The following ZNF667 variants were observed in gnomAD, a reference collection of about 807,000 sequenced individuals.
ZNF667 encodes the protein zinc finger protein 667, also known as myocardial ischemic preconditioning upregulated 1 ortholog.
ZNF667 carries 13 observed loss-of-function variants against 31.8 expected under a neutral mutation model. The observed-to-expected ratio is 0.41, with a 90% CI of 0.27 to 0.65. The LOEUF (loss-of-function observed/expected upper bound fraction) is 0.65, where lower values mean the gene tolerates loss of function less well. ZNF667 is among the 30% of genes least tolerant of loss of function. ZNF667 has a pLI of 0.32. For synonymous variants in ZNF667, 228 were observed against 247.1 expected, an observed-to-expected ratio of 0.92 and a Z score of 0.73; for missense variants, 642 against 725.6, an observed-to-expected ratio of 0.88 and a Z score of 1.32.
intron 4 of ZNF667, 106 bp downstream of exon 4, chr19:56,462,232 G>T: frequency 7.1e-7 from 1 of 1,407,242 alleles, no homozygotes; most frequent in Non-Finnish European, 1.0e-6. Flanking sequence ...ACTAGGTGTT[G>T]GATGGATCTC....
intron 1 of ZNF667, chr19:56,476,878 AAC>A (rs1416479166): frequency 6.5e-6 from 1 of 153,078 alleles, no homozygotes; most frequent in East Asian, 1.9e-4. Flanking sequence ...ACACTCCAGA[AAC>A]ACAAATCTTC....
rs1172228729 is a variant in ZNF667 at position 56,462,512 on chromosome 19, C to G, written c.-59-83G>C. ...CTGGAGACACACACACACACAGACA[C>G]ACATGCACACATATGCACGTGCACA... On this transcript the variant is annotated intron_variant, in intron 3 of 6. Coordinates refer to ENST00000504904, the MANE Select transcript of ZNF667 (RefSeq NM_001321356.2). The G allele has an allele frequency of 4.8e-6, 4 of 838,222 alleles. No individual in the cohort carries two copies. In the African/African-American group the frequency reaches 6.7e-5, roughly 14 times the overall value. The allele number at this position is 838,222 out of a possible 1,614,324, so 51.9% of individuals were successfully genotyped here.
chr19:56,441,246 A>C lies in ZNF667; in HGVS notation c.1749T>G (p.Tyr583Ter). 1.2e-6 allele frequency: 2 copies of C among 1,614,110 alleles called. No homozygotes were observed. The highest frequency in any genetic ancestry group is 1.7e-6 in the Non-Finnish European group (2 of 1,180,020). Reference protein sequence around the residue: ...HQRSHSSEKPYECSKCGKAYS... With the variant: ...HQRSHSSEKP ...ATGCCTTCCCACATTTACTACATTC[A>C]TAGGGTTTCTCTGAAGAATGACTTC... The change falls in exon 7 of 7, where the codon TAT becomes TAG. Residue 583 changes from tyrosine to a stop codon, truncating the protein, a stop_gained. Coordinates refer to ENST00000504904, the MANE Select transcript of ZNF667 (RefSeq NM_001321356.2). LOFTEE classifies it high-confidence loss of function. This position sits in a 1 kb window ranked among gnomAD's most constrained non-coding sequence, Gnocchi z 4.2.
At chr19:56,456,321 T>C (rs1248389559) in intron 6 of ZNF667, among the ~76,000 whole-genome samples, 2 of 152,160 alleles carry the variant, frequency 1.3e-5, no homozygotes, top group African/African-American at 4.8e-5. Context: ...CAAAGCAAAG[T>C]GTGCAAAGGG....
chr19:56,458,160 G>A lies in ZNF667; in HGVS notation c.248C>T (p.Ala83Val), dbSNP rs1289257630. The change falls in exon 6 of 7, where the codon GCT becomes GTT. Residue 83 changes from alanine to valine, a missense_variant. Coordinates refer to ENST00000504904, the MANE Select transcript of ZNF667 (RefSeq NM_001321356.2). ...WMVEPVRRRR[A>V]PDSGSKCETK... ...CTTGGTTCTCTGTCACTCACCAGGA[G>A]CCCGGCGTCTTCTTACTGGCTCTAC... is the stretch of plus-strand genomic sequence containing the variant. 1 of 1,614,120 alleles carries A rather than the reference G, an allele frequency of 6.2e-7. No individual in the cohort carries two copies.
intron 1 of ZNF667, among the ~76,000 whole-genome samples, chr19:56,476,293 A>G (rs2043405300): frequency 6.6e-6 from 1 of 152,126 alleles, no homozygotes; most frequent in South Asian, 2.1e-4. Flanking sequence ...CCTCCACTCA[A>G]ATGTACACAT....
intron 6 of ZNF667, among the ~76,000 whole-genome samples, chr19:56,443,689 G>A (rs1024565031): frequency 2.0e-5 from 3 of 152,164 alleles, no homozygotes; most frequent in African/African-American, 7.2e-5. Flanking sequence ...TGCAGCATAT[G>A]ACTGTATTTA....
At chr19:56,457,290 G>C (rs1051082173) in intron 6 of ZNF667, among the ~76,000 whole-genome samples, 1 of 152,074 alleles carries the variant, frequency 6.6e-6, no homozygotes, top group African/African-American at 2.4e-5. Flanking sequence ...TATTAACAGA[G>C]AGGGCAGTCT....
chr19:56,459,082 T>C (rs1398099965), intron 5 of ZNF667, among the ~76,000 whole-genome samples: 1 of 152,150 alleles, frequency 6.6e-6, no homozygotes, highest in Non-Finnish European at 1.5e-5. Flanking sequence ...GACACCCAGC[T>C]GGAGTGTGCT....
intron 6 of ZNF667, among the ~76,000 whole-genome samples, chr19:56,457,798 G>A (rs1453349568): frequency 1.3e-5 from 2 of 152,188 alleles, no homozygotes; most frequent in African/African-American, 4.8e-5. Flanking sequence ...AAATGCCTAT[G>A]TTGAAATTTT....
At position 56,442,038 on chromosome 19, in the gene ZNF667, T is replaced by C. The variant is rs759256669; in HGVS notation, c.957A>G (p.Leu319=). Residue 319 remains leucine (L), a synonymous_variant, in exon 7 of 7, where the codon CTA becomes CTG. Transcript: ENST00000504904. ...TCTCTAAATGGTGACTTCTTTGCTG[T>C]AGACTCTGACTTAAGGCCTTCGCAT... The part of the protein sequence containing the change: ...PENAKALSQS[L]QQRSHHLENP... The C allele has an allele frequency of 1.5e-5, 24 of 1,614,080 alleles. 1 individual carries two copies. The South Asian group carries it at 2.1e-4, about 14-fold the overall frequency.
chr19:56,446,465 AG>A (rs1436133364), intron 6 of ZNF667, among the ~76,000 whole-genome samples: 4 of 152,208 alleles, frequency 2.6e-5, no homozygotes, highest in South Asian at 4.1e-4. Context: ...TATTGCTCTT[AG>A]GAAGTCTAGT....
At chr19:56,454,739 A>C (rs1031695963) in intron 6 of ZNF667, among the ~76,000 whole-genome samples, 1 of 115,406 alleles carries the variant, frequency 8.7e-6, no homozygotes, top group Non-Finnish European at 2.0e-5. Flanking sequence ...AAACACGGGC[A>C]AAAGTCTCCA....
At position 56,467,004 on chromosome 19, in the gene ZNF667, G is replaced by T. The variant is rs1056903420; in HGVS notation, c.-59-4575C>A. 5 of 456,362 alleles carry T rather than the reference G, an allele frequency of 1.1e-5. No individual in the cohort carries two copies. The Admixed American group carries it at 1.2e-4, about 11-fold the overall frequency. 28.3% of individuals were successfully genotyped at this position (456,362 alleles called of 1,614,324 possible). A position where few individuals can be genotyped will look rare whatever the true frequency, so the allele number is the denominator to read the frequency against. ...TGTGACTCACCTTGAATTCCTTCCT[G>T]TGCAAGATCCAAGAACCCTCTCTTA... On this transcript the variant is annotated intron_variant, in intron 3 of 6. Transcript: ENST00000504904.
intron 6 of ZNF667, among the ~76,000 whole-genome samples, chr19:56,457,002 G>A (rs1262093507): frequency 1.3e-5 from 2 of 152,028 alleles, no homozygotes; most frequent in Non-Finnish European, 2.9e-5. Context: ...GAACCTGGAC[G>A]TCACCAAAGC....
chr19:56,473,983 G>C (rs1478129275), intron 2 of ZNF667, 29 bp downstream of exon 2: 1 of 152,146 alleles, frequency 6.6e-6, no homozygotes, highest in South Asian at 2.1e-4. Context: ...AACAACAAAT[G>C]AAATAAAAGA....
Position 56,462,430 on chromosome 19 carries a change from C to A in ZNF667, c.-59-1G>T. ...TGGGCAGAGAGCTGGTAAGGCAGGG[C>A]TGTGGGGAGAAGACAGGTCATGAGG... On this transcript the variant is annotated splice_acceptor_variant, in intron 3 of 6. Coordinates refer to ENST00000504904, the MANE Select transcript of ZNF667 (RefSeq NM_001321356.2). LOFTEE classifies it low-confidence loss of function (5UTR_SPLICE). The A allele has an allele frequency of 6.2e-7, 1 of 1,606,304 alleles. No homozygotes were observed. Among genetic ancestry groups the A allele is most frequent in the East Asian group, 2.2e-5 (1 of 44,838 alleles).
In ZNF667 at chr19:56,442,110, G is replaced by A; in HGVS notation, c.885C>T (p.Val295=). ...CATGAATTCTTTTATGTACAACAAAGACTGATTTCTTTTTGAAGCCTCTCC... is the reference window on the plus strand; with the variant it reads ...CATGAATTCTTTTATGTACAACAAAAACTGATTTCTTTTTGAAGCCTCTCC... ...KCGRGFKKKS[V]FVVHKRIHAG... is the part of the protein sequence containing the mutation. Residue 295 remains valine (V), a synonymous_variant, in exon 7 of 7, where the codon GTC becomes GTT. Coordinates refer to ENST00000504904, the MANE Select transcript of ZNF667 (RefSeq NM_001321356.2). The A allele has an allele frequency of 6.2e-7, 1 of 1,613,658 alleles. No homozygotes were observed. Among genetic ancestry groups the A allele is most frequent in the Non-Finnish European group, 8.5e-7 (1 of 1,179,870 alleles).
At chr19:56,470,983 C>T (rs2043280139) in intron 3 of ZNF667, among the ~76,000 whole-genome samples, 1 of 152,146 alleles carries the variant, frequency 6.6e-6, no homozygotes, top group Non-Finnish European at 1.5e-5. Context: ...GGATCTGTGT[C>T]CCCATCCAAA....
Sources: allele counts gnomAD v4.1 joint callset (sites outside exome capture counted in the v4.1 genomes callset), GRCh38; gene constraint gnomAD v4.1.1; non-coding constraint Gnocchi (gnomAD v3.1); transcripts MANE v1.5; gene names NCBI Gene and HGNC (gene_info 2026-07-23, HGNC 2026-07-21).